The following CNTLN variants were observed in gnomAD, a reference collection of about 807,000 sequenced individuals.
CNTLN encodes the protein centlein, centrosomal protein.
In CNTLN, 212 loss-of-function variants were observed where a neutral mutation model predicts 180.0. The observed-to-expected ratio is 1.18, with a 90% CI of 1.05 to 1.32. CNTLN has a LOEUF of 1.32. Among genes scored for constraint, CNTLN ranks in the 40% most tolerant of loss-of-function variants. The pLI, the probability that CNTLN is intolerant of heterozygous loss-of-function variation, is 0.00. For missense variants in CNTLN, 2,095 were observed against 1,610.9 expected (o/e 1.30, Z -5.14); for synonymous variants, 722 against 563.1 (o/e 1.28, Z -3.99).
At chr9:17,191,678 G>A (rs1446429670) in intron 2 of CNTLN, among the ~76,000 whole-genome samples, 2 of 152,082 alleles carry the variant, frequency 1.3e-5, no homozygotes, top group Non-Finnish European at 2.9e-5. Flanking sequence ...TTACAGCAGA[G>A]GCTTCATGGA....
chr9:17,257,759 G>A (rs977256093), intron 5 of CNTLN, among the ~76,000 whole-genome samples: 71 of 151,060 alleles, frequency 4.7e-4, no homozygotes, highest in Admixed American at 1.3e-3. Context: ...GTGTTTCTTG[G>A]CTGCATAAAT....
intron 5 of CNTLN, among the ~76,000 whole-genome samples, chr9:17,254,211 T>C (rs1826330966): frequency 1.3e-5 from 2 of 151,732 alleles, no homozygotes; most frequent in South Asian, 2.1e-4. Flanking sequence ...GAAATATCTA[T>C]TGAAGTCCTT....
At chr9:17,325,401 TG>T (rs1820209703) in intron 8 of CNTLN, among the ~76,000 whole-genome samples, 1 of 151,084 alleles carries the variant, frequency 6.6e-6, no homozygotes, top group Non-Finnish European at 1.5e-5. Flanking sequence ...TGTGTGTGTG[TG>T]TGTGTGTGTG....
rs139817856 is a variant in CNTLN at position 17,141,063 on chromosome 9, G to A, written c.361-2225G>A. Among the ~76,000 whole-genome samples, 63 of 152,268 alleles carry A rather than the reference G, an allele frequency of 4.1e-4. No individual in the cohort carries two copies. The East Asian group carries it at 0.011, about 28-fold the overall frequency. On this transcript the variant is annotated intron_variant, in intron 1 of 25. Coordinates refer to ENST00000380647, the MANE Select transcript of CNTLN (RefSeq NM_017738.4). ...TATTTCTAACAATGGGTAGACACAA[G>A]TCTAATTTTAAGATTTCCTTTAAGT...
intron 5 of CNTLN, among the ~76,000 whole-genome samples, chr9:17,259,645 A>G (rs534621825): frequency 1.3e-5 from 2 of 150,992 alleles, no homozygotes; most frequent in Admixed American, 6.6e-5. Context: ...TATTGCCACA[A>G]TTTCAGATCC....
intron 6 of CNTLN, among the ~76,000 whole-genome samples, chr9:17,290,705 C>G (rs998805088): frequency 2.0e-5 from 3 of 150,946 alleles, no homozygotes; most frequent in Non-Finnish European, 4.4e-5. Flanking sequence ...GGGATATAAT[C>G]TCATGGTTCG....
chr9:17,427,908 C>T (rs1301131092), intron 18 of CNTLN, among the ~76,000 whole-genome samples: 1 of 152,046 alleles, frequency 6.6e-6, no homozygotes, highest in Non-Finnish European at 1.5e-5. Flanking sequence ...GTGCTAGGGT[C>T]CATGAAGTAT....
intron 2 of CNTLN, among the ~76,000 whole-genome samples, chr9:17,217,628 A>C (rs1200388133): frequency 6.6e-6 from 1 of 152,264 alleles, no homozygotes; most frequent in Non-Finnish European, 1.5e-5. Context: ...ATTTTCAAAC[A>C]CTGGAAGAAA....
intron 6 of CNTLN, among the ~76,000 whole-genome samples, chr9:17,295,118 G>T (rs888489474): frequency 1.3e-5 from 2 of 151,028 alleles, no homozygotes; most frequent in Non-Finnish European, 1.5e-5. Flanking sequence ...CTGGCTGGCC[G>T]CTCTGAGTGC....
chr9:17,495,549 A>C (rs1833408105), intron 25 of CNTLN, among the ~76,000 whole-genome samples: 1 of 152,228 alleles, frequency 6.6e-6, no homozygotes, highest in Admixed American at 6.5e-5. Context: ...TTTATGTTTT[A>C]AGCTAAGTGT....
intron 2 of CNTLN, among the ~76,000 whole-genome samples, chr9:17,213,911 A>C (rs1823525165): frequency 6.6e-6 from 1 of 151,938 alleles, no homozygotes; most frequent in Admixed American, 6.6e-5. Context: ...TTCTTGGTAG[A>C]TCTTCCTCCT....
intron 12 of CNTLN, among the ~76,000 whole-genome samples, chr9:17,366,070 A>G (rs1420583771): frequency 6.6e-6 from 1 of 152,144 alleles, no homozygotes; most frequent in African/African-American, 2.4e-5. Context: ...AAAACATTTG[A>G]TTTTCCAGGT....
At chr9:17,385,664 G>GA (rs1445835029) in intron 13 of CNTLN, among the ~76,000 whole-genome samples, 2 of 151,370 alleles carry the variant, frequency 1.3e-5, no homozygotes, top group South Asian at 4.2e-4. Context: ...AAAAATATTT[G>GA]AAAAAAAATT....
At chr9:17,463,370 A>G (rs923331481) in intron 20 of CNTLN, among the ~76,000 whole-genome samples, 2 of 151,660 alleles carry the variant, frequency 1.3e-5, no homozygotes, top group Admixed American at 1.3e-4. Flanking sequence ...TAAGCTTATA[A>G]AGCTAAGGTA....
At chr9:17,225,315 A>C (rs978704802) in intron 2 of CNTLN, among the ~76,000 whole-genome samples, 1 of 152,018 alleles carries the variant, frequency 6.6e-6, no homozygotes, top group African/African-American at 2.4e-5. Context: ...CCAGAAGTCA[A>C]GCTCCTTTCC....
chr9:17,418,578 A>G (rs1828450884), intron 18 of CNTLN, among the ~76,000 whole-genome samples: 1 of 152,062 alleles, frequency 6.6e-6, no homozygotes, highest in African/African-American at 2.4e-5. Flanking sequence ...TAAACAGATT[A>G]AGTTCAGCCT....
intron 3 of CNTLN, among the ~76,000 whole-genome samples, chr9:17,234,894 T>C (rs541235272): frequency 1.1e-4 from 16 of 152,234 alleles, no homozygotes; most frequent in Non-Finnish European, 1.8e-4. Flanking sequence ...GTAAGTTAGT[T>C]TGAGATAGTA....
the CNTLN span, among the ~76,000 whole-genome samples, chr9:17,520,718 G>T: frequency 6.6e-6 from 1 of 152,168 alleles, no homozygotes; most frequent in South Asian, 2.1e-4. Flanking sequence ...TCAGTAAGTT[G>T]CTCTGTTAAG....
rs148918671 is a variant in CNTLN at position 17,232,761 on chromosome 9, G to A, written c.535-2897G>A. 5.7e-3 allele frequency among the ~76,000 whole-genome samples: 868 copies of A among 152,022 alleles called. 10 individuals carry two copies. The highest frequency in any genetic ancestry group is 0.02 in the African/African-American group (834 of 41,510). On this transcript the variant is annotated intron_variant, in intron 3 of 25. Coordinates refer to ENST00000380647, the MANE Select transcript of CNTLN (RefSeq NM_017738.4). Reference sequence around the variant, plus strand: ...CTCGGTAGTTTGTTGTGTATCAAATGTATAATATAGATAATACAAAAATTT... The same window carrying A: ...CTCGGTAGTTTGTTGTGTATCAAATATATAATATAGATAATACAAAAATTT...
Sources: allele counts gnomAD v4.1 joint callset (sites outside exome capture counted in the v4.1 genomes callset), GRCh38; gene constraint gnomAD v4.1.1; transcripts MANE v1.5; gene names NCBI Gene and HGNC (gene_info 2026-07-23, HGNC 2026-07-21).